The following SOX5 variants were observed in gnomAD, a reference collection of about 807,000 sequenced individuals.
The protein encoded by SOX5 is SRY-box transcription factor 5, also known as transcription factor SOX-5.
Under a neutral mutation model 92.0 loss-of-function variants are expected in SOX5, and 9 were observed. The observed-to-expected ratio is 0.10, with a 90% confidence interval of 0.06 to 0.17. SOX5 has a LOEUF of 0.17. Among genes scored for constraint, SOX5 ranks in the 10% least tolerant of loss-of-function variants. The pLI is 1.00. For synonymous variants in SOX5, 344 were observed against 336.3 expected (o/e 1.02, Z -0.25); for missense variants, 642 against 944.5 (o/e 0.68, Z 4.20).
At chr12:24,118,044 A>G (rs1490821846) in intron 4 of SOX5, among the ~76,000 whole-genome samples, 2 of 151,384 alleles carry the variant, frequency 1.3e-5, no homozygotes, top group Non-Finnish European at 2.9e-5. Flanking sequence ...AAAAAGAAAA[A>G]AAAAATCTGT....
intron 3 of SOX5, among the ~76,000 whole-genome samples, chr12:23,843,838 A>G (rs2096545997): frequency 6.6e-6 from 1 of 152,120 alleles, no homozygotes; most frequent in South Asian, 2.1e-4. Context: ...TGCTGGGATT[A>G]TAGGCATGAG....
At chr12:23,902,400 ATAT>A (rs377159893) in intron 1 of SOX5, among the ~76,000 whole-genome samples, 5 of 152,236 alleles carry the variant, frequency 3.3e-5, no homozygotes, top group South Asian at 4.1e-4. Flanking sequence ...CGGCATGATA[ATAT>A]TATTTATCTT....
upstream of SOX5, among the ~76,000 whole-genome samples, chr12:23,955,598 T>C (rs987303932): frequency 1.3e-5 from 2 of 152,202 alleles, no homozygotes; most frequent in South Asian, 2.1e-4. Flanking sequence ...CTACTCAATT[T>C]ATGCTTTTCA....
intron 1 of SOX5, among the ~76,000 whole-genome samples, chr12:24,555,445 C>T (rs1026938156): frequency 6.6e-6 from 1 of 152,142 alleles, no homozygotes; most frequent in African/African-American, 2.4e-5. Flanking sequence ...ATAAACAATG[C>T]CTTCCAATTA....
intron 1 of SOX5, among the ~76,000 whole-genome samples, chr12:24,523,777 AACT>A (rs1950458933): frequency 6.6e-6 from 1 of 152,212 alleles, no homozygotes. Context: ...TAAGACCTAA[AACT>A]ACAAAACTCC....
At chr12:23,780,667 G>T (rs1002296162) in intron 3 of SOX5, among the ~76,000 whole-genome samples, 5 of 152,038 alleles carry the variant, frequency 3.3e-5, no homozygotes, top group African/African-American at 1.2e-4. Flanking sequence ...GTTTTGTGTG[G>T]CAATCCTGGT....
chr12:23,834,416 A>G (rs555958455), intron 3 of SOX5, among the ~76,000 whole-genome samples: 2 of 151,950 alleles, frequency 1.3e-5, no homozygotes, highest in African/African-American at 2.4e-5. Flanking sequence ...GTTCCTCCAT[A>G]TAATAACACG....
chr12:24,305,747 G>A (rs982167779), intron 2 of SOX5, among the ~76,000 whole-genome samples: 6 of 152,146 alleles, frequency 3.9e-5, no homozygotes, highest in Non-Finnish European at 8.8e-5. Context: ...ACAGGCACCC[G>A]CCGCCACGCC....
intron 4 of SOX5, among the ~76,000 whole-genome samples, chr12:24,211,870 C>T (rs561423332): frequency 1.3e-5 from 2 of 152,280 alleles, no homozygotes; most frequent in Middle Eastern, 3.4e-3. Context: ...AGCCAAACAA[C>T]AAGTGTATTC....
chr12:24,015,918 G>C (rs1192528072), intron 4 of SOX5, among the ~76,000 whole-genome samples: 1 of 105,102 alleles, frequency 9.5e-6, no homozygotes, highest in Non-Finnish European at 2.0e-5. Context: ...ATTCAATGGG[G>C]GCAGAAAAAA....
intron 1 of SOX5, among the ~76,000 whole-genome samples, chr12:24,561,977 A>C (rs1954402573): frequency 6.6e-6 from 1 of 152,302 alleles, no homozygotes; most frequent in East Asian, 1.9e-4. Flanking sequence ...ACAAAACAAT[A>C]CCAGCAACAG....
chr12:24,283,934 G>A (rs4963750), intron 2 of SOX5, among the ~76,000 whole-genome samples: 18,990 of 152,206 alleles, frequency 0.12, 1,540 homozygotes, highest in Middle Eastern at 0.23. Flanking sequence ...GAGTTTGTCT[G>A]AAATTTCTAA....
rs1959191273 is a variant in SOX5, at chr12:24,393,690, A to C, written c.-250-25051T>G. On this transcript the variant is annotated intron_variant, in intron 1 of 4. Transcript: ENST00000446891. This position sits in a 1 kb window ranked among gnomAD's most constrained non-coding sequence, Gnocchi z 5.0. ...TAGTGCTTAATGTAGAAATTATTAA[A>C]ATTTGGCAAAACTTTTCTATTCTTT... Among the ~76,000 whole-genome samples the C allele has an allele frequency of 6.6e-6, 1 of 152,232 alleles. No individual in the cohort carries two copies. Among genetic ancestry groups the C allele is most frequent in the Admixed American group, 6.5e-5 (1 of 15,288 alleles).
intron 2 of SOX5, among the ~76,000 whole-genome samples, chr12:24,287,555 G>A (rs1402049750): frequency 6.7e-6 from 1 of 148,386 alleles, no homozygotes; most frequent in Admixed American, 6.7e-5. Context: ...AGCTCAGCAG[G>A]GCTAAAGGGC....
At chr12:23,741,610 CTA>C (rs2093799422) in intron 4 of SOX5, among the ~76,000 whole-genome samples, 1 of 152,060 alleles carries the variant, frequency 6.6e-6, no homozygotes, top group Non-Finnish European at 1.5e-5. Flanking sequence ...ATTCAGAATT[CTA>C]TGTTAAAAGA....
intron 4 of SOX5, among the ~76,000 whole-genome samples, chr12:24,041,213 C>G (rs753093901): frequency 1.3e-5 from 2 of 152,092 alleles, no homozygotes; most frequent in Non-Finnish European, 2.9e-5. Flanking sequence ...CTTTCTCTAT[C>G]TTTTGAGTCC....
chr12:23,759,212 C>T (rs1418516477), intron 3 of SOX5, among the ~76,000 whole-genome samples: 5 of 151,922 alleles, frequency 3.3e-5, no homozygotes, highest in African/African-American at 9.7e-5. Context: ...AAAAGGTAGG[C>T]TTTTTTACAG....
chr12:23,637,736 C>T (rs565828246), intron 8 of SOX5, among the ~76,000 whole-genome samples: 19 of 152,194 alleles, frequency 1.2e-4, no homozygotes, highest in African/African-American at 4.3e-4. Context: ...AGCTAAAAAC[C>T]GAAAGACTCC....
At chr12:24,285,278 A>C (rs1945727848) in intron 2 of SOX5, among the ~76,000 whole-genome samples, 1 of 151,848 alleles carries the variant, frequency 6.6e-6, no homozygotes, top group South Asian at 2.1e-4. Context: ...GCTCCTTTGA[A>C]GTATTAACAG....
Sources: gnomAD v4.1 joint callset for allele counts (sites outside exome capture counted in the v4.1 genomes callset) on GRCh38, gnomAD v4.1.1 for gene constraint, Gnocchi (gnomAD v3.1) non-coding constraint, MANE v1.5 for transcripts, NCBI Gene and HGNC (gene_info 2026-07-23, HGNC 2026-07-21) for gene names.